The following MROH2B variants were observed in gnomAD, a reference collection of about 807,000 sequenced individuals.
MROH2B encodes the protein maestro heat like repeat family member 2B.
A neutral mutation model predicts 208.6 loss-of-function variants in MROH2B; 177 were observed. The observed-to-expected ratio is 0.85, with a 90% CI of 0.75 to 0.96. The LOEUF (loss-of-function observed/expected upper bound fraction) is 0.96, where lower values mean the gene tolerates loss of function less well. Ranked by LOEUF, MROH2B falls within the 40% of genes least tolerant of loss-of-function variation. MROH2B has a pLI of 0.00. For missense variants in MROH2B, 2,002 were observed against 1,878.7 expected (o/e 1.07, Z -1.21); for synonymous variants, 728 against 659.0 (o/e 1.10, Z -1.60).
intron 6 of MROH2B, among the ~76,000 whole-genome samples, chr5:41,059,888 A>G (rs1189485271): frequency 1.3e-5 from 2 of 152,210 alleles, no homozygotes; most frequent in Non-Finnish European, 2.9e-5. Context: ...CACTTATGCA[A>G]TGATGATACC....
intron 24 of MROH2B, among the ~76,000 whole-genome samples, chr5:41,027,618 A>G (rs1038786184): frequency 1.3e-5 from 2 of 152,214 alleles, no homozygotes; most frequent in African/African-American, 4.8e-5. Context: ...AGCATTGTGG[A>G]AGACAGTGTG....
intron 24 of MROH2B, among the ~76,000 whole-genome samples, chr5:41,021,171 T>A (rs371312955): frequency 6.6e-6 from 1 of 152,094 alleles, no homozygotes; most frequent in African/African-American, 2.4e-5. Flanking sequence ...ATGAACAAAC[T>A]GAAAAGGAAA....
chr5:41,024,688 G>A (rs980532542), intron 24 of MROH2B, among the ~76,000 whole-genome samples: 11 of 152,138 alleles, frequency 7.2e-5, no homozygotes. Flanking sequence ...AGCAGACCTA[G>A]TAGACATCTA....
intron 24 of MROH2B, 92 bp downstream of exon 24, chr5:41,032,650 G>T: frequency 9.8e-7 from 1 of 1,018,230 alleles, no homozygotes; most frequent in Non-Finnish European, 1.5e-6. Context: ...TTGGGAGTGT[G>T]TACTGAAGTC....
intron 32 of MROH2B, 93 bp downstream of exon 32, chr5:41,009,187 T>C (rs1315575721): frequency 1.3e-6 from 2 of 1,504,072 alleles, no homozygotes; most frequent in Admixed American, 1.9e-5. Context: ...GAAGGAGGTG[T>C]CATTAATGTG....
At chr5:41,031,387 G>C (rs146193070) in intron 24 of MROH2B, among the ~76,000 whole-genome samples, 1 of 152,108 alleles carries the variant, frequency 6.6e-6, no homozygotes, top group East Asian at 1.9e-4. Context: ...CCTTTGACAC[G>C]TGGAGATTAC....
At position 41,016,506 on chromosome 5, in the gene MROH2B, T is replaced by TTTG. The variant is rs1554047600; in HGVS notation, c.2885-1029_2885-1028insCAA. Among the ~76,000 whole-genome samples the TTTG allele has an allele frequency of 3.1e-3, 425 of 137,228 alleles. 8 individuals carry two copies. The highest frequency in any genetic ancestry group is 7.2e-3 in the Middle Eastern group (2 of 276). 90.0% of individuals were successfully genotyped at this position (137,228 alleles called of 152,430 possible). The stretch of plus-strand genomic sequence containing the variant: ...TCTGTTACTACTGTAATGTTTTTTT[T>TTTG]TTTTTTTTTTTTTTTTGAGACAGTC... On this transcript the variant is annotated intron_variant, in intron 28 of 41. Coordinates refer to ENST00000399564, the MANE Select transcript of MROH2B (RefSeq NM_173489.5).
At chr5:41,047,654 T>C (rs1349024035) in intron 17 of MROH2B, 67 bp downstream of exon 17, 1 of 1,398,414 alleles carries the variant, frequency 7.2e-7, no homozygotes, top group Non-Finnish European at 9.9e-7. Context: ...TCCTTTAATT[T>C]AGGATGGGTA....
At chr5:41,028,220 T>A (rs1442583634) in intron 24 of MROH2B, among the ~76,000 whole-genome samples, 2 of 152,162 alleles carry the variant, frequency 1.3e-5, no homozygotes, top group African/African-American at 2.4e-5. Flanking sequence ...AAGGTTACCA[T>A]AATGAAACAA....
chr5:41,005,373 GTACCATA>G, intron 35 of MROH2B, 151 bp downstream of exon 35: 1 of 586,000 alleles, frequency 1.7e-6, no homozygotes, highest in Non-Finnish European at 3.0e-6. Flanking sequence ...CCCTGCTTAG[GTACCATA>G]TATCTGGCAG....
rs372417503 is a variant in MROH2B, at chr5:41,065,428, G to A, written c.264C>T (p.Phe88=). 3 of 1,613,372 alleles carry A rather than the reference G, an allele frequency of 1.9e-6. No individual in the cohort carries two copies. In the African/African-American group the frequency reaches 4.0e-5, roughly 22 times the overall value. Residue 88 remains phenylalanine, a synonymous_variant, in exon 4 of 42, where the codon TTC becomes TTT. Coordinates refer to ENST00000399564, the MANE Select transcript of MROH2B (RefSeq NM_173489.5). ...EVLVSLAAHD[F]NSVMYEVQSN... is the part of the protein sequence containing the mutation. ...TTTGTACTTCATACATCACAGAGTT[G>A]AAATCATGTGCAGCAAGAGACACCA... is the stretch of plus-strand genomic sequence containing the variant.
At chr5:41,057,387 T>C (rs771406878) in intron 7 of MROH2B, 27 bp from the exon 8 acceptor site, 3 of 1,533,460 alleles carry the variant, frequency 2.0e-6, no homozygotes, top group South Asian at 1.2e-5. Context: ...CACAGGTTAG[T>C]TGGAGGCTGC....
At chr5:41,056,989 C>T in intron 9 of MROH2B, 120 bp downstream of exon 9, 4 of 1,003,568 alleles carry the variant, frequency 4.0e-6, no homozygotes, top group South Asian at 1.4e-5. Context: ...GCTAAAGAAA[C>T]AGTGTGTGTG....
intron 21 of MROH2B, among the ~76,000 whole-genome samples, chr5:41,034,907 C>T (rs1473611147): frequency 6.6e-6 from 1 of 151,874 alleles, no homozygotes; most frequent in Admixed American, 6.6e-5. Flanking sequence ...CATGAAAGAT[C>T]TTTATGAGAA....
intron 34 of MROH2B, among the ~76,000 whole-genome samples, chr5:41,006,792 G>T (rs952935550): frequency 2.0e-5 from 3 of 152,092 alleles, no homozygotes; most frequent in East Asian, 3.9e-4. Context: ...CTATTAGGAC[G>T]CAAAGGCATA....
rs1406392639 is a variant in MROH2B at position 41,004,870 on chromosome 5, C to G, written c.3915G>C (p.Leu1305=). 1 of 1,613,910 alleles carries G rather than the reference C, an allele frequency of 6.2e-7. No individual in the cohort carries two copies. Among genetic ancestry groups the G allele is most frequent in the African/African-American group, 1.3e-5 (1 of 74,942 alleles). Residue 1305 remains leucine (L), a synonymous_variant, in exon 36 of 42, where the codon CTG becomes CTC. Coordinates refer to ENST00000399564, the MANE Select transcript of MROH2B (RefSeq NM_173489.5). The stretch of plus-strand genomic sequence containing the variant: ...CCCAGGCACTTTGATCCATCAAGAT[C>G]AGCACATTTCGCAGATTCCCATGCT... The part of the protein sequence containing the change: ...LWKHGNLRNV[L]ILMDQSAWDS...
Position 41,064,538 on chromosome 5 carries a change from G to C in MROH2B, c.394C>G (p.Leu132Val), listed in dbSNP as rs1174584295. Residue 132 changes from leucine to valine, a missense_variant, in exon 5 of 42, where the codon CTG becomes GTG. Physicochemically the swap from Leu to Val is conservative, Grantham distance 32. Coordinates refer to ENST00000399564, the MANE Select transcript of MROH2B (RefSeq NM_173489.5). ...CTGAGCATGGTTTGCATGGTGAGCA[G>C]GGTCATCATCATGAAAGGAATACTC... The part of the protein sequence containing the change: ...SQSIPFMMMT[L>V]LTMQTMLRLA... The C allele has an allele frequency of 1.2e-6, 2 of 1,613,274 alleles. No homozygotes were observed. The highest frequency in any genetic ancestry group is 1.7e-6 in the Non-Finnish European group (2 of 1,179,572).
At chr5:41,047,596 C>A (rs1010248320) in intron 17 of MROH2B, 125 bp downstream of exon 17, 12 of 873,834 alleles carry the variant, frequency 1.4e-5, no homozygotes, top group Non-Finnish European at 2.1e-5. Flanking sequence ...CATTCTAATT[C>A]TTTTCCAAAG....
At chr5:41,058,451 A>G (rs550639442) in intron 6 of MROH2B, among the ~76,000 whole-genome samples, 206 of 151,886 alleles carry the variant, frequency 1.4e-3, no homozygotes, top group Middle Eastern at 3.4e-3. Context: ...CTTCTCTCCT[A>G]TTTTTTATTT....
Sources: gnomAD v4.1 joint callset for allele counts (sites outside exome capture counted in the v4.1 genomes callset) on GRCh38, gnomAD v4.1.1 for gene constraint, MANE v1.5 for transcripts, NCBI Gene and HGNC (gene_info 2026-07-23, HGNC 2026-07-21) for gene names.